Variants in MGAT4C observed in about 807,000 individuals in gnomAD.
The protein encoded by MGAT4C is alpha-1,3-mannosyl-glycoprotein 4-beta-N-acetylglucosaminyltransferase C.
In MGAT4C, 19 loss-of-function variants were observed where a neutral mutation model predicts 40.1. That is an observed-to-expected ratio of 0.47 (90% CI 0.33 to 0.70). The LOEUF is 0.70. MGAT4C is among the 30% of genes least tolerant of loss of function. The pLI, the probability that MGAT4C is intolerant of heterozygous loss-of-function variation, is 0.02. For synonymous variants in MGAT4C, 181 were observed against 187.1 expected (o/e 0.97, Z 0.27); for missense variants, 491 against 563.2 (o/e 0.87, Z 1.30).
intron 1 of MGAT4C, among the ~76,000 whole-genome samples, chr12:86,125,173 G>C (rs1474682450): frequency 6.6e-6 from 1 of 152,122 alleles, no homozygotes; most frequent in Non-Finnish European, 1.5e-5. Flanking sequence ...AGTTGTGGAA[G>C]CAATGTGTTT....
intron 2 of MGAT4C, among the ~76,000 whole-genome samples, chr12:86,608,630 C>A: frequency 6.6e-6 from 1 of 151,822 alleles, no homozygotes; most frequent in East Asian, 1.9e-4. Context: ...TGCTCAAAAC[C>A]CTTGACTGAA....
intron 1 of MGAT4C, among the ~76,000 whole-genome samples, chr12:86,251,509 C>T (rs558257208): frequency 1.3e-5 from 2 of 152,114 alleles, no homozygotes; most frequent in South Asian, 4.2e-4. Context: ...TTTTCTTGCT[C>T]TGCTGAGAAA....
At chr12:86,601,284 C>A (rs1373691872) in intron 2 of MGAT4C, 1 of 152,220 alleles carries the variant, frequency 6.6e-6, no homozygotes, top group East Asian at 1.9e-4. Flanking sequence ...GGATGGAGAC[C>A]ACAACCGGGA....
intron 2 of MGAT4C, among the ~76,000 whole-genome samples, chr12:86,462,498 GAACT>G (rs1485630581): frequency 6.6e-6 from 1 of 152,174 alleles, no homozygotes; most frequent in African/African-American, 2.4e-5. Flanking sequence ...TAGAAGGACA[GAACT>G]AATAGGATAG....
intron 1 of MGAT4C, among the ~76,000 whole-genome samples, chr12:86,209,973 C>T (rs1311118936): frequency 6.6e-6 from 1 of 152,118 alleles, no homozygotes. Context: ...ATTTTTGCCT[C>T]TTAATAATTA....
chr12:86,468,957 A>G (rs950845227), intron 2 of MGAT4C, among the ~76,000 whole-genome samples: 1 of 151,968 alleles, frequency 6.6e-6, no homozygotes, highest in African/African-American at 2.4e-5. Flanking sequence ...TTTTTTGCTT[A>G]TCTTTGTTTT....
At chr12:86,598,012 G>A (rs1029315915) in intron 2 of MGAT4C, among the ~76,000 whole-genome samples, 1 of 152,080 alleles carries the variant, frequency 6.6e-6, no homozygotes, top group Non-Finnish European at 1.5e-5. Context: ...CATGGTAAGT[G>A]TCTTATACAA....
intron 3 of MGAT4C, among the ~76,000 whole-genome samples, chr12:86,424,895 T>C (rs1027094146): frequency 2.6e-5 from 4 of 152,056 alleles, no homozygotes; most frequent in African/African-American, 9.7e-5. Context: ...TAGCTGGGAC[T>C]ACAGGTGCGT....
rs1950278709 is a variant in MGAT4C, at chr12:86,697,446, TG to T, written c.-229+29762del. 2.6e-5 allele frequency among the ~76,000 whole-genome samples: 4 copies of T among 152,138 alleles called. No individual in the cohort carries two copies. In the South Asian group the frequency reaches 8.3e-4, roughly 32 times the overall value. ...TCTCATTTTATATGTACAGTATGAT[TG>T]AGACTCTTGAAAATAAAAGATTTCC... On this transcript the variant is annotated intron_variant, in intron 2 of 7. Transcript: ENST00000548651.
intron 1 of MGAT4C, among the ~76,000 whole-genome samples, chr12:86,815,917 G>C (rs1952595907): frequency 1.3e-5 from 2 of 151,756 alleles, no homozygotes. Context: ...TAGGCGATGG[G>C]TGCAGCAAAA....
At chr12:86,520,996 A>G (rs1958784643) in intron 2 of MGAT4C, among the ~76,000 whole-genome samples, 2 of 152,146 alleles carry the variant, frequency 1.3e-5, no homozygotes, top group African/African-American at 4.8e-5. Flanking sequence ...TAGTTTGACA[A>G]TATTTTCTCC....
At position 85,968,616 on chromosome 12, in the gene MGAT4C, C is replaced by T. The variant is rs1883472623; in HGVS notation, c.*10673G>A. On this transcript the variant is annotated 3_prime_UTR_variant, in exon 5 of 5. Transcript: ENST00000611864. ...GTTTTCTAATCTATAATCTTTCAAA[C>T]TGGATAAATGGGAAGTTTTGGAATT... The T allele has an allele frequency of 6.6e-6, 1 of 151,940 alleles. No individual in the cohort carries two copies. The highest frequency in any genetic ancestry group is 2.4e-5 in the African/African-American group (1 of 41,420). 9.4% of individuals were successfully genotyped at this position (151,940 alleles called of 1,614,324 possible).
intron 2 of MGAT4C, among the ~76,000 whole-genome samples, chr12:86,004,694 G>A (rs1022142337): frequency 6.6e-6 from 1 of 152,122 alleles, no homozygotes; most frequent in Non-Finnish European, 1.5e-5. Flanking sequence ...TTATGGTTTT[G>A]TTTGACAGTT....
intron 1 of MGAT4C, among the ~76,000 whole-genome samples, chr12:86,825,762 C>A (rs1952794223): frequency 6.6e-6 from 1 of 151,346 alleles, no homozygotes; most frequent in Admixed American, 6.6e-5. Context: ...AAGCTTTTTA[C>A]CAGCATACAA....
intron 3 of MGAT4C, among the ~76,000 whole-genome samples, chr12:86,372,094 T>A (rs544616123): frequency 6.6e-6 from 1 of 151,978 alleles, no homozygotes; most frequent in African/African-American, 2.4e-5. Flanking sequence ...AATCATATTA[T>A]TAGGCTTTTA....
rs796801675 is a variant in MGAT4C at position 86,725,691 on chromosome 12, G to A, written c.-229+1518C>T. Among the ~76,000 whole-genome samples, 11 of 152,100 alleles carry A rather than the reference G, an allele frequency of 7.2e-5. 1 individual carries two copies. Among genetic ancestry groups the A allele is most frequent in the African/African-American group, 2.4e-4 (10 of 41,492 alleles). On this transcript the variant is annotated intron_variant, in intron 2 of 7. Transcript: ENST00000548651. ...TTGTCCAGGCTGGTCTAAAACTCCTGAGCTCAGGAAATCTGCCCGCCTTGG... is the reference window on the plus strand; with the variant it reads ...TTGTCCAGGCTGGTCTAAAACTCCTAAGCTCAGGAAATCTGCCCGCCTTGG...
intron 2 of MGAT4C, among the ~76,000 whole-genome samples, chr12:86,457,907 T>C (rs897445789): frequency 1.3e-5 from 2 of 152,138 alleles, no homozygotes; most frequent in African/African-American, 2.4e-5. Flanking sequence ...ATAATCCATG[T>C]AAATAAATGG....
chr12:86,588,252 CCTA>C (rs1255185861), intron 2 of MGAT4C, among the ~76,000 whole-genome samples: 1 of 151,968 alleles, frequency 6.6e-6, no homozygotes, highest in Non-Finnish European at 1.5e-5. Context: ...GATTTGCAAT[CCTA>C]GTCTCTGATA....
intron 1 of MGAT4C, among the ~76,000 whole-genome samples, chr12:86,820,424 C>T (rs1427952326): frequency 6.6e-6 from 1 of 150,714 alleles, no homozygotes; most frequent in African/African-American, 2.4e-5. Context: ...CAATCAATTC[C>T]TTTAACTTTC....
Sources: allele counts gnomAD v4.1 joint callset (sites outside exome capture counted in the v4.1 genomes callset), GRCh38; gene constraint gnomAD v4.1.1; transcripts MANE v1.5; gene names NCBI Gene and HGNC (gene_info 2026-07-23, HGNC 2026-07-21).